Variants in HECA observed in about 807,000 individuals in gnomAD.
HECA encodes headcase protein homolog.
A neutral mutation model predicts 37.6 loss-of-function variants in HECA; 13 were observed. The observed-to-expected ratio is 0.35, with a 90% confidence interval of 0.23 to 0.55. HECA has a LOEUF of 0.55. Ranked by LOEUF, HECA falls within the 20% of genes least tolerant of loss-of-function variation. HECA has a pLI of 0.90. For missense variants in HECA, 527 were observed against 701.9 expected (o/e 0.75, Z 2.82); for synonymous variants, 307 against 291.5 (o/e 1.05, Z -0.54).
At position 139,167,242 on chromosome 6, in the gene HECA, G is replaced by C; in HGVS notation, c.1230G>C (p.Gln410His). The C allele has an allele frequency of 6.2e-7, 1 of 1,613,986 alleles. No individual in the cohort carries two copies. Among genetic ancestry groups the C allele is most frequent in the East Asian group, 2.2e-5 (1 of 44,848 alleles). Residue 410 changes from glutamine (Q) to histidine (H), a missense_variant, in exon 2 of 4, where the codon CAG becomes CAC. Physicochemically the swap from Gln to His is conservative, Grantham distance 24. Around this residue, in one of 4 missense-constraint regions of HECA, gnomAD observed 106 missense variants for 193.4 expected, o/e 0.55. Coordinates refer to ENST00000367658, the MANE Select transcript of HECA (RefSeq NM_016217.3). The part of the protein sequence containing the change: ...LCHRALPVFE[Q>H]FPLVDGTLFL... ...ACCGGGCGCTCCCGGTGTTCGAACA[G>C]TTCCCACTGGTGGATGGAACTTTGT...
chr6:139,161,043 G>T (rs1302876159), intron 1 of HECA, among the ~76,000 whole-genome samples: 2 of 151,868 alleles, frequency 1.3e-5, no homozygotes. Context: ...GTGTGTGTGT[G>T]GTGTGTGTGT....
At chr6:139,164,488 G>T (rs1283124467) in intron 1 of HECA, among the ~76,000 whole-genome samples, 1 of 152,108 alleles carries the variant, frequency 6.6e-6, no homozygotes. Context: ...TACAGGAAGA[G>T]AATTGTCCAG....
At position 139,135,519 on chromosome 6, in the gene HECA, G is replaced by A; in HGVS notation, c.123G>A (p.Gly41=). ...AAAGAAGAAA[G]GALAAAAGCG... Reference sequence around the variant, plus strand: ...CGGGCGCGGCGGGAGCGGCGGCCGGGGGGGCCCTGGCGGCGGCGGCCGGTT... The same window carrying A: ...CGGGCGCGGCGGGAGCGGCGGCCGGAGGGGCCCTGGCGGCGGCGGCCGGTT... Residue 41 remains glycine, a synonymous_variant, in exon 1 of 4, where the codon GGG becomes GGA. Coordinates refer to ENST00000367658, the MANE Select transcript of HECA (RefSeq NM_016217.3). 6 of 1,020,440 alleles carry A rather than the reference G, an allele frequency of 5.9e-6. No individual in the cohort carries two copies. Among genetic ancestry groups the A allele is most frequent in the Non-Finnish European group, 7.0e-6 (6 of 853,258 alleles). The allele number at this position is 1,020,440 out of a possible 1,614,324, so 63.2% of individuals were successfully genotyped here.
intron 1 of HECA, among the ~76,000 whole-genome samples, chr6:139,153,844 C>T (rs995787779): frequency 6.6e-6 from 1 of 152,116 alleles, no homozygotes; most frequent in African/African-American, 2.4e-5. Flanking sequence ...TCATATTTTC[C>T]TATAACAAAA....
chr6:139,178,350 T>A lies in HECA; in HGVS notation c.*1245T>A, dbSNP rs1396771863. Reference sequence around the variant, plus strand: ...TTAAATAGACTGACGTCGCATACCCTTATAGAATTGGAATATGATTTCTCA... The same window carrying A: ...TTAAATAGACTGACGTCGCATACCCATATAGAATTGGAATATGATTTCTCA... On this transcript the variant is annotated 3_prime_UTR_variant, in exon 4 of 4. Coordinates refer to ENST00000367658, the MANE Select transcript of HECA (RefSeq NM_016217.3). 1 of 152,170 alleles carries A rather than the reference T, an allele frequency of 6.6e-6. No individual in the cohort carries two copies. The highest frequency in any genetic ancestry group is 1.5e-5 in the Non-Finnish European group (1 of 68,034). 9.4% of individuals were successfully genotyped at this position (152,170 alleles called of 1,614,324 possible).
chr6:139,162,424 G>A (rs1277278971), intron 1 of HECA, among the ~76,000 whole-genome samples: 1 of 152,160 alleles, frequency 6.6e-6, no homozygotes, highest in East Asian at 1.9e-4. Flanking sequence ...TTATACAGAG[G>A]AAACTGACAC....
In HECA at chr6:139,167,011, G is replaced by C. The variant is rs189354892; in HGVS notation, c.999G>C (p.Arg333Ser). ...DYSPAGLAVH[R>S]GGHFDTPVQF... ...GCCCTGCGGGGTTGGCAGTTCACAG[G>C]GGGGGACACTTCGACACCCCCGTGC... Residue 333 changes from arginine (R) to serine (S), a missense_variant, in exon 2 of 4, where the codon AGG (arginine) becomes AGC (serine). Arg to Ser is a moderately radical substitution (Grantham distance 110). This residue lies in a region of HECA where 228 missense variants were observed against 259.8 expected (regional missense o/e 0.88). Transcript: ENST00000367658. 9.9e-6 allele frequency: 16 copies of C among 1,614,102 alleles called. No individual in the cohort carries two copies. The highest frequency in any genetic ancestry group is 3.3e-5 in the Admixed American group (2 of 60,012).
At position 139,167,012 on chromosome 6, in the gene HECA, G is replaced by C; in HGVS notation, c.1000G>C (p.Gly334Arg). The C allele has an allele frequency of 6.2e-7, 1 of 1,614,234 alleles. No individual in the cohort carries two copies. The highest frequency in any genetic ancestry group is 1.1e-5 in the South Asian group (1 of 91,088). Residue 334 changes from glycine (G) to arginine (R), a missense_variant, in exon 2 of 4, where the codon GGG becomes CGG. By Grantham distance (125) the Gly-to-Arg change is moderately radical. Coordinates refer to ENST00000367658, the MANE Select transcript of HECA (RefSeq NM_016217.3). ...CCCTGCGGGGTTGGCAGTTCACAGG[G>C]GGGGACACTTCGACACCCCCGTGCA... Reference protein sequence around the residue: ...YSPAGLAVHRGGHFDTPVQFL... With the variant: ...YSPAGLAVHRRGHFDTPVQFL...
chr6:139,161,351 C>CT (rs1431122891), intron 1 of HECA, among the ~76,000 whole-genome samples: 4 of 152,082 alleles, frequency 2.6e-5, no homozygotes, highest in African/African-American at 9.7e-5. Flanking sequence ...AAGTGGCTGA[C>CT]TATAAACAAG....
At position 139,167,045 on chromosome 6, in the gene HECA, C is replaced by G; in HGVS notation, c.1033C>G (p.Arg345Gly). The G allele has an allele frequency of 6.2e-7, 1 of 1,614,174 alleles. No homozygotes were observed. Residue 345 changes from arginine to glycine, a missense_variant, in exon 2 of 4, where the codon CGG becomes GGG. By Grantham distance (125) the Arg-to-Gly change is moderately radical (BLOSUM62 -2). Around this residue, in one of 4 missense-constraint regions of HECA, gnomAD observed 228 missense variants for 259.8 expected, o/e 0.88. Coordinates refer to ENST00000367658, the MANE Select transcript of HECA (RefSeq NM_016217.3). ...GHFDTPVQFL[R>G]RLDLSELLTH... The stretch of plus-strand genomic sequence containing the variant: ...CTTCGACACCCCCGTGCAGTTCCTT[C>G]GGCGGCTGGACCTCTCCGAACTCCT...
intron 1 of HECA, among the ~76,000 whole-genome samples, chr6:139,147,698 T>C (rs1173887304): frequency 6.6e-6 from 1 of 152,356 alleles, no homozygotes; most frequent in East Asian, 1.9e-4. Flanking sequence ...GGAAGCACTT[T>C]ACTCACACAT....
chr6:139,157,711 T>C (rs144780428), intron 1 of HECA, among the ~76,000 whole-genome samples: 2 of 152,228 alleles, frequency 1.3e-5, no homozygotes, highest in East Asian at 1.9e-4. Context: ...AAGAGTAATA[T>C]AGAGGGCTGT....
chr6:139,167,061 C>T lies in HECA; in HGVS notation c.1049C>T (p.Ser350Phe), dbSNP rs1562248548. The change falls in exon 2 of 4, where the codon TCC becomes TTC. Residue 350 changes from serine to phenylalanine, a missense_variant. Physicochemically the swap from Ser to Phe is radical, Grantham distance 155. This residue lies in a region of HECA where 228 missense variants were observed against 259.8 expected (regional missense o/e 0.88). Transcript: ENST00000367658. ...PVQFLRRLDL[S>F]ELLTHIPRHK... ...CAGTTCCTTCGGCGGCTGGACCTCT[C>T]CGAACTCCTCACTCACATCCCCAGG... 1.9e-6 allele frequency: 3 copies of T among 1,614,210 alleles called. No individual in the cohort carries two copies. Among genetic ancestry groups the T allele is most frequent in the Non-Finnish European group, 2.5e-6 (3 of 1,180,038 alleles).
intron 3 of HECA, among the ~76,000 whole-genome samples, chr6:139,175,724 C>T (rs1213703968): frequency 6.6e-6 from 1 of 152,062 alleles, no homozygotes; most frequent in East Asian, 1.9e-4. Context: ...ATGACTGCAC[C>T]GTGTGACTCC....
chr6:139,153,708 C>T (rs1292957833), intron 1 of HECA, among the ~76,000 whole-genome samples: 5 of 152,058 alleles, frequency 3.3e-5, no homozygotes, highest in South Asian at 2.1e-4. Context: ...TGGGAGCCAC[C>T]GCACCCGGCC....
intron 1 of HECA, 22 bp from the exon 2 acceptor site, chr6:139,166,262 T>G: frequency 6.4e-7 from 1 of 1,558,084 alleles, no homozygotes; most frequent in Admixed American, 1.9e-5. Flanking sequence ...TGAAATCTGT[T>G]CTCTCTTTAT....
chr6:139,158,658 A>G, intron 1 of HECA, among the ~76,000 whole-genome samples: 1 of 139,718 alleles, frequency 7.2e-6, no homozygotes, highest in Non-Finnish European at 1.5e-5. Flanking sequence ...GCAACAGAGC[A>G]AGACCCTGTC....
chr6:139,162,608 T>A (rs1428888034), intron 1 of HECA, among the ~76,000 whole-genome samples: 1 of 152,188 alleles, frequency 6.6e-6, no homozygotes, highest in East Asian at 1.9e-4. Flanking sequence ...TATTAATACA[T>A]AGAGGTAGAC....
At chr6:139,159,354 C>T (rs1459845453) in intron 1 of HECA, 1 of 152,134 alleles carries the variant, frequency 6.6e-6, no homozygotes, top group Non-Finnish European at 1.5e-5. Flanking sequence ...AATCAGCGAT[C>T]TAATAAAACA....
Sources: gnomAD v4.1 joint callset for allele counts (sites outside exome capture counted in the v4.1 genomes callset) on GRCh38, gnomAD v4.1.1 for gene constraint, gnomAD v4.1.1 regional missense constraint, MANE v1.5 for transcripts, NCBI Gene and HGNC (gene_info 2026-07-23, HGNC 2026-07-21) for gene names.